Variants in PTPRD observed in about 807,000 individuals in gnomAD.
The protein encoded by PTPRD is receptor-type tyrosine-protein phosphatase delta.
Under a neutral mutation model 214.5 loss-of-function variants are expected in PTPRD, and 34 were observed. The observed-to-expected ratio is 0.16, with a 90% confidence interval of 0.12 to 0.21. PTPRD has a LOEUF of 0.21. Ranked by LOEUF, PTPRD falls within the 10% of genes least tolerant of loss-of-function variation. PTPRD has a pLI of 1.00. For missense variants in PTPRD, 2,545 were observed against 2,398.7 expected (o/e 1.06, Z -1.27); for synonymous variants, 1,128 against 845.7 (o/e 1.33, Z -5.79).
At chr9:9,018,385 G>T (rs2099545281) in intron 11 of PTPRD, among the ~76,000 whole-genome samples, 1 of 152,084 alleles carries the variant, frequency 6.6e-6, no homozygotes, top group Non-Finnish European at 1.5e-5. Context: ...TAAAAATTCA[G>T]TCTATAGATG....
In PTPRD at chr9:9,881,511, A is replaced by G. The variant is rs10978060; in HGVS notation, c.-368+56996T>C. On this transcript the variant is annotated intron_variant, in intron 5 of 45. Coordinates refer to ENST00000381196, the MANE Select transcript of PTPRD (RefSeq NM_002839.4). ...CCGCATCTTCATCTTTTATAAACAG[A>G]AAATATCATCCTACAAGGCTGTTGT... is the stretch of plus-strand genomic sequence containing the variant. Among the ~76,000 whole-genome samples, 1,186 of 152,268 alleles carry G rather than the reference A, an allele frequency of 7.8e-3. 101 individuals carry two copies. The East Asian group carries it at 0.18, about 24-fold the overall frequency.
chr9:10,168,805 AGT>A (rs2099177306), intron 3 of PTPRD, among the ~76,000 whole-genome samples: 1 of 152,192 alleles, frequency 6.6e-6, no homozygotes, highest in Non-Finnish European at 1.5e-5. Flanking sequence ...TGAAAAATGA[AGT>A]ATATATTACA....
At chr9:9,189,747 C>T (rs2099933953) in intron 9 of PTPRD, among the ~76,000 whole-genome samples, 2 of 152,006 alleles carry the variant, frequency 1.3e-5, no homozygotes, top group South Asian at 4.1e-4. Context: ...ATAAACAAAT[C>T]AAAATCTGGC....
At chr9:8,529,264 CT>C in intron 14 of PTPRD, among the ~76,000 whole-genome samples, 1 of 152,134 alleles carries the variant, frequency 6.6e-6, no homozygotes, top group Middle Eastern at 3.4e-3. Context: ...TTGGAGAGTA[CT>C]TGGGGAACAA....
chr9:10,564,805 T>C (rs898581271), intron 2 of PTPRD, among the ~76,000 whole-genome samples: 12 of 152,228 alleles, frequency 7.9e-5, no homozygotes, highest in Non-Finnish European at 1.8e-4. Flanking sequence ...TTCCTTTTAA[T>C]GAATAGACCA....
intron 5 of PTPRD, among the ~76,000 whole-genome samples, chr9:9,929,754 T>C (rs2085711160): frequency 6.6e-6 from 1 of 152,182 alleles, no homozygotes; most frequent in South Asian, 2.1e-4. Context: ...GATTTAATAA[T>C]GGAGGATGTC....
At chr9:8,836,181 A>G (rs115561443) in intron 11 of PTPRD, among the ~76,000 whole-genome samples, 31 of 152,308 alleles carry the variant, frequency 2.0e-4, no homozygotes, top group African/African-American at 7.0e-4. Context: ...AAATAACAAT[A>G]TAATATAACC....
chr9:9,875,234 T>C (rs1192830178), intron 5 of PTPRD, among the ~76,000 whole-genome samples: 1 of 152,118 alleles, frequency 6.6e-6, no homozygotes, highest in Non-Finnish European at 1.5e-5. Flanking sequence ...TTTGAGATCC[T>C]TTATGTTTAT....
chr9:9,930,927 A>C (rs998334807), intron 5 of PTPRD, among the ~76,000 whole-genome samples: 2 of 152,088 alleles, frequency 1.3e-5, no homozygotes, highest in Non-Finnish European at 2.9e-5. Context: ...GATAGGAATT[A>C]CTACCATGAC....
intron 9 of PTPRD, among the ~76,000 whole-genome samples, chr9:9,269,277 G>A (rs557959780): frequency 6.6e-5 from 10 of 151,170 alleles, no homozygotes; most frequent in Non-Finnish European, 8.9e-5. Flanking sequence ...ATCAATCATC[G>A]GAAACACGCA....
chr9:9,898,631 A>G (rs1032027234), intron 5 of PTPRD, among the ~76,000 whole-genome samples: 1 of 152,074 alleles, frequency 6.6e-6, no homozygotes, highest in Non-Finnish European at 1.5e-5. Context: ...GCTGCACTGA[A>G]GTGTTGTGGT....
intron 39 of PTPRD, among the ~76,000 whole-genome samples, chr9:8,364,586 T>C (rs545347235): frequency 6.6e-6 from 1 of 152,356 alleles, no homozygotes; most frequent in Admixed American, 6.5e-5. Flanking sequence ...AGGCAGCCAC[T>C]GTGAACCAGA....
chr9:10,352,523 A>T (rs2097200489), intron 2 of PTPRD, among the ~76,000 whole-genome samples: 1 of 152,052 alleles, frequency 6.6e-6, no homozygotes, highest in South Asian at 2.1e-4. Flanking sequence ...TGCATATGAA[A>T]CACACAATTG....
Position 8,527,336 on chromosome 9 carries a change from A to T in PTPRD, c.550+9T>A. The T allele has an allele frequency of 6.2e-7, 1 of 1,607,394 alleles. No individual in the cohort carries two copies. The highest frequency in any genetic ancestry group is 8.5e-7 in the Non-Finnish European group (1 of 1,176,756). ...GGGGTTGAAGTGCGCTTCAGAACTAAGCACTTACCAATAGATTCTGGAGAT... is the reference window on the plus strand; with the variant it reads ...GGGGTTGAAGTGCGCTTCAGAACTATGCACTTACCAATAGATTCTGGAGAT... On this transcript the variant is annotated intron_variant, in intron 16 of 45. Transcript: ENST00000381196.
chr9:8,704,435 T>G (rs1413276046), intron 12 of PTPRD, among the ~76,000 whole-genome samples: 1 of 152,082 alleles, frequency 6.6e-6, no homozygotes, highest in African/African-American at 2.4e-5. Flanking sequence ...AGGCTTAAGG[T>G]CATTAAAAAG....
intron 11 of PTPRD, among the ~76,000 whole-genome samples, chr9:8,931,393 C>T (rs910554437): frequency 5.9e-5 from 9 of 152,152 alleles, no homozygotes; most frequent in East Asian, 1.9e-4. Context: ...AGTCAGGTAG[C>T]GGGATGCCTC....
At chr9:9,883,064 C>T (rs1264883563) in intron 5 of PTPRD, among the ~76,000 whole-genome samples, 1 of 152,128 alleles carries the variant, frequency 6.6e-6, no homozygotes, top group African/African-American at 2.4e-5. Flanking sequence ...CTTGTACAGC[C>T]TTCAGAACTA....
At chr9:8,347,095 G>A (rs1310389187) in intron 39 of PTPRD, among the ~76,000 whole-genome samples, 1 of 151,960 alleles carries the variant, frequency 6.6e-6, no homozygotes, top group Non-Finnish European at 1.5e-5. Context: ...CGGATAGAGG[G>A]GGACTACACT....
chr9:10,168,262 T>A (rs1165170596), intron 3 of PTPRD, among the ~76,000 whole-genome samples: 1 of 152,164 alleles, frequency 6.6e-6, no homozygotes, highest in Non-Finnish European at 1.5e-5. Context: ...TTCATCCACA[T>A]TGAGATATTT....
Sources: gnomAD v4.1 joint callset for allele counts (sites outside exome capture counted in the v4.1 genomes callset) on GRCh38, gnomAD v4.1.1 for gene constraint, MANE v1.5 for transcripts, NCBI Gene and HGNC (gene_info 2026-07-23, HGNC 2026-07-21) for gene names.